Variants in SENP6 observed in about 807,000 individuals in gnomAD.
The protein encoded by SENP6 is sentrin-specific protease 6.
Under a neutral mutation model 134.5 loss-of-function variants are expected in SENP6, and 41 were observed. That is an observed-to-expected ratio of 0.30 (90% CI 0.24 to 0.40). The LOEUF is 0.40. SENP6 is among the 10% of genes least tolerant of loss of function. The pLI is 1.00. For missense variants in SENP6, 1,248 were observed against 1,312.5 expected, an observed-to-expected ratio of 0.95 and a Z score of 0.76; for synonymous variants, 395 against 429.8, an observed-to-expected ratio of 0.92 and a Z score of 1.00.
chr6:75,669,412 G>C (rs1320304055), intron 10 of SENP6, among the ~76,000 whole-genome samples: 1 of 151,984 alleles, frequency 6.6e-6, no homozygotes, highest in Non-Finnish European at 1.5e-5. Context: ...GCCTGAAAAA[G>C]CAGTTTACAA....
intron 1 of SENP6, among the ~76,000 whole-genome samples, chr6:75,610,282 A>C (rs1459744465): frequency 6.6e-6 from 1 of 152,216 alleles, no homozygotes; most frequent in East Asian, 1.9e-4. Flanking sequence ...TCACGATACT[A>C]AAAGTAAAAC....
intron 7 of SENP6, among the ~76,000 whole-genome samples, chr6:75,649,662 G>A (rs377235145): frequency 2.0e-5 from 3 of 151,826 alleles, no homozygotes; most frequent in East Asian, 1.9e-4. Context: ...GATTACAGGC[G>A]CCTGCCACCA....
At chr6:75,652,158 C>T (rs1770915790) in intron 7 of SENP6, among the ~76,000 whole-genome samples, 1 of 152,098 alleles carries the variant, frequency 6.6e-6, no homozygotes, top group East Asian at 1.9e-4. Flanking sequence ...ACCTGGGCAA[C>T]AGAGTGAGAC....
intron 6 of SENP6, among the ~76,000 whole-genome samples, chr6:75,643,166 CAA>C (rs933933358): frequency 3.3e-5 from 5 of 151,582 alleles, no homozygotes; most frequent in East Asian, 1.9e-4. Context: ...AAAGAGGAAA[CAA>C]AATGAAATAA....
chr6:75,712,237 G>A (rs1477479252), intron 21 of SENP6, among the ~76,000 whole-genome samples: 3 of 152,052 alleles, frequency 2.0e-5, no homozygotes, highest in African/African-American at 7.2e-5. Flanking sequence ...CTATTTCTAG[G>A]TTTAATCTCC....
At chr6:75,691,607 GT>G (rs11344996) in intron 16 of SENP6, among the ~76,000 whole-genome samples, 36,753 of 148,618 alleles carry the variant, frequency 0.25, 5,778 homozygotes, top group Non-Finnish European at 0.37. Flanking sequence ...TTTGTTTTTT[GT>G]TTTTTTTTTG....
intron 19 of SENP6, among the ~76,000 whole-genome samples, chr6:75,705,953 T>TGAAATGGAG (rs1775379495): frequency 7.9e-6 from 1 of 126,054 alleles, no homozygotes; most frequent in African/African-American, 3.2e-5. Context: ...TTTTTTTTTT[T>TGAAATGGAG]TGAGATGGAG....
intron 16 of SENP6, among the ~76,000 whole-genome samples, chr6:75,689,063 T>A (rs1774051079): frequency 1.3e-5 from 2 of 152,000 alleles, no homozygotes; most frequent in South Asian, 4.1e-4. Flanking sequence ...TGAAACTCCG[T>A]CTCAAGAAAA....
At position 75,717,323 on chromosome 6, in the gene SENP6, ATT is replaced by A. The variant is rs1316488993; in HGVS notation, c.*1730_*1731del. 6.6e-6 allele frequency: 1 copy of A among 152,074 alleles called. No homozygotes were observed. Among genetic ancestry groups the A allele is most frequent in the African/African-American group, 2.4e-5 (1 of 41,462 alleles). The allele number at this position is 152,074 out of a possible 1,614,324, so 9.4% of individuals were successfully genotyped here. On this transcript the variant is annotated 3_prime_UTR_variant, in exon 24 of 24. Coordinates refer to ENST00000447266, the MANE Select transcript of SENP6 (RefSeq NM_015571.4). Reference sequence around the variant, plus strand: ...CAGAATCTGAAGGTACTGAAAAACTATTCTAAAATGCCTACTTGTTTTTGCAT... The same window carrying A: ...CAGAATCTGAAGGTACTGAAAAACTACTAAAATGCCTACTTGTTTTTGCAT...
At position 75,677,475 on chromosome 6, in the gene SENP6, C is replaced by G. The variant is rs1773170077; in HGVS notation, c.1848+219C>G. Reference sequence around the variant, plus strand: ...ACAGGTCTCAGAAGCATTTTTGGTTCCTCCACATTCTATCCTTATCTTTAC... The same window carrying G: ...ACAGGTCTCAGAAGCATTTTTGGTTGCTCCACATTCTATCCTTATCTTTAC... On this transcript the variant is annotated intron_variant, in intron 14 of 23. Transcript: ENST00000447266. 4.8e-5 allele frequency: 19 copies of G among 399,758 alleles called. No homozygotes were observed. In the South Asian group the frequency reaches 8.5e-4, roughly 18 times the overall value. 24.8% of individuals were successfully genotyped at this position (399,758 alleles called of 1,614,324 possible). A position where few individuals can be genotyped will look rare whatever the true frequency, so the allele number is the denominator to read the frequency against.
At chr6:75,680,706 C>G (rs2149881911) in intron 16 of SENP6, among the ~76,000 whole-genome samples, 1 of 152,262 alleles carries the variant, frequency 6.6e-6, no homozygotes, top group East Asian at 1.9e-4. Context: ...ACAGCCTGGA[C>G]TTGCACCCCT....
chr6:75,705,950 T>TTTTTTTTTTTTTTTTTTTC (rs1775379131), intron 19 of SENP6, among the ~76,000 whole-genome samples: 2 of 122,134 alleles, frequency 1.6e-5, no homozygotes, highest in Non-Finnish European at 1.7e-5. Context: ...TTTTTTTTTT[T>TTTTTTTTTTTTTTTTTTTC]TTTTGAGATG....
chr6:75,632,285 T>A (rs979536338), intron 3 of SENP6, among the ~76,000 whole-genome samples: 3 of 152,160 alleles, frequency 2.0e-5, no homozygotes, highest in Admixed American at 6.6e-5. Context: ...CAATTGACTG[T>A]TAGTAACTGA....
chr6:75,676,083 A>G (rs775516350), intron 13 of SENP6, 29 bp downstream of exon 13: 9 of 1,410,292 alleles, frequency 6.4e-6, no homozygotes, highest in South Asian at 1.4e-5. Flanking sequence ...ATTATAATAG[A>G]TAATAATAGA....
intron 3 of SENP6, among the ~76,000 whole-genome samples, chr6:75,625,042 T>G (rs1204297190): frequency 6.6e-6 from 1 of 151,384 alleles, no homozygotes; most frequent in Non-Finnish European, 1.5e-5. Flanking sequence ...TTTGATGAAA[T>G]AAGGTATTTT....
chr6:75,703,873 G>T (rs1304558717), intron 19 of SENP6, among the ~76,000 whole-genome samples: 3 of 152,184 alleles, frequency 2.0e-5, no homozygotes, highest in Middle Eastern at 6.8e-3. Context: ...TTTTGAAATT[G>T]CAGTACAAAG....
chr6:75,639,930 G>A (rs1374014080), intron 5 of SENP6, among the ~76,000 whole-genome samples: 1 of 152,114 alleles, frequency 6.6e-6, no homozygotes, highest in East Asian at 1.9e-4. Flanking sequence ...ATTGTTTCTT[G>A]AAGACTATTT....
At chr6:75,605,526 T>C (rs1403332058) in intron 1 of SENP6, among the ~76,000 whole-genome samples, 1 of 152,114 alleles carries the variant, frequency 6.6e-6, no homozygotes, top group African/African-American at 2.4e-5. Flanking sequence ...TTACATAGCA[T>C]TGAAGTCAAG....
At position 75,634,724 on chromosome 6, in the gene SENP6, C is replaced by A. The variant is rs775924894; in HGVS notation, c.371C>A (p.Thr124Lys). 6.3e-7 allele frequency: 1 copy of A among 1,576,112 alleles called. No homozygotes were observed. Among genetic ancestry groups the A allele is most frequent in the Admixed American group, 2.1e-5 (1 of 47,842 alleles). ...NKKLSENTQNTSLCSGTVVHG... is the reference protein window; with the variant it reads ...NKKLSENTQNKSLCSGTVVHG... ...ATCTGCAGTGAAAATACGCAAAATACGTCATTATGTTCTGGAACTGTAGTT... is the reference window on the plus strand; with the variant it reads ...ATCTGCAGTGAAAATACGCAAAATAAGTCATTATGTTCTGGAACTGTAGTT... The change falls in exon 5 of 24, where the codon ACG (threonine) becomes AAG (lysine). Residue 124 changes from threonine to lysine, a missense_variant. Physicochemically the swap from Thr to Lys is moderately conservative, Grantham distance 78. Transcript: ENST00000447266.
Sources: gnomAD v4.1 joint callset for allele counts (sites outside exome capture counted in the v4.1 genomes callset) on GRCh38, gnomAD v4.1.1 for gene constraint, MANE v1.5 for transcripts, NCBI Gene and HGNC (gene_info 2026-07-23, HGNC 2026-07-21) for gene names.